TSPAN32: variants seen among roughly 807,000 people sequenced by gnomAD.
TSPAN32 encodes tetraspanin 32.
Under a neutral mutation model 42.7 loss-of-function variants are expected in TSPAN32, and 47 were observed. The observed-to-expected ratio is 1.10, with a 90% CI of 0.87 to 1.40. The LOEUF (loss-of-function observed/expected upper bound fraction) is 1.40. Among genes scored for constraint, TSPAN32 ranks in the 40% most tolerant of loss-of-function variants. TSPAN32 has a pLI of 0.00. For missense variants in TSPAN32, 469 were observed against 424.1 expected, an observed-to-expected ratio of 1.11 and a Z score of -0.93; for synonymous variants, 175 against 175.9, an observed-to-expected ratio of 0.99 and a Z score of 0.04.
Position 2,316,632 on chromosome 11 carries a change from C to G in TSPAN32, c.684C>G (p.Ser228Arg), listed in dbSNP as rs1848815920. 1.3e-6 allele frequency: 2 copies of G among 1,544,832 alleles called. No individual in the cohort carries two copies. Among genetic ancestry groups the G allele is most frequent in the Non-Finnish European group, 1.7e-6 (2 of 1,143,538 alleles). Reference sequence around the variant, plus strand: ...GGTTTGCCATCCGCTGTGGCTGCAGCTTGGACCGCAAGGGCAAATACACCC... The same window carrying G: ...GGTTTGCCATCCGCTGTGGCTGCAGGTTGGACCGCAAGGGCAAATACACCC... ...FLWFAIRCGC[S>R]LDRKGKYTLT... Residue 228 changes from serine to arginine, a missense_variant, in exon 8 of 10, where the codon AGC becomes AGG. Ser to Arg is a moderately radical substitution (Grantham distance 110, BLOSUM62 -1). Coordinates refer to ENST00000182290, the MANE Select transcript of TSPAN32 (RefSeq NM_139022.3).
intron 1 of TSPAN32, 118 bp downstream of exon 1, chr11:2,302,333 C>G: frequency 8.7e-7 from 1 of 1,144,220 alleles, no homozygotes; most frequent in East Asian, 2.9e-5. Context: ...CCTACTGTCC[C>G]TGTCCTGCCC....
rs552701160 is a variant in TSPAN32, at chr11:2,302,964, T to A, written c.181+6T>A. ...CCAGGCTGTGCACCAATGGGGTAAGTGAGGTCCAGGCCTGGCTGCATCGGG... is the reference window on the plus strand; with the variant it reads ...CCAGGCTGTGCACCAATGGGGTAAGAGAGGTCCAGGCCTGGCTGCATCGGG... On this transcript the variant is annotated splice_donor_region_variant and intron_variant, in intron 2 of 9. Coordinates refer to ENST00000182290, the MANE Select transcript of TSPAN32 (RefSeq NM_139022.3). 6.2e-7 allele frequency: 1 copy of A among 1,612,174 alleles called. No homozygotes were observed. Among genetic ancestry groups the A allele is most frequent in the East Asian group, 2.2e-5 (1 of 44,850 alleles).
Position 2,303,067 on chromosome 11 carries a change from A to T in TSPAN32, c.181+109A>T, listed in dbSNP as rs1847859952. ...GCCAGAATGGTGCCAGGCCCTAGGCAGGAGCCAGAGGTGGTCAGGGGCAGG... is the reference window on the plus strand; with the variant it reads ...GCCAGAATGGTGCCAGGCCCTAGGCTGGAGCCAGAGGTGGTCAGGGGCAGG... On this transcript the variant is annotated intron_variant, in intron 2 of 9. Coordinates refer to ENST00000182290, the MANE Select transcript of TSPAN32 (RefSeq NM_139022.3). The T allele has an allele frequency of 4.0e-6, 4 of 1,003,680 alleles. No homozygotes were observed. In the Admixed American group the frequency reaches 9.5e-5, roughly 24 times the overall value. The allele number at this position is 1,003,680 out of a possible 1,614,324, so 62.2% of individuals were successfully genotyped here. A position where few individuals can be genotyped will look rare whatever the true frequency, so the allele number is the denominator to read the frequency against.
In TSPAN32 at chr11:2,317,494, G is replaced by A. The variant is rs1430814582; in HGVS notation, c.870G>A (p.Leu290=). ...TGCAGGAGAGCGATGCTGCGCCTCTGCCCCTCTCCTGCCACCTGGCTGCCC... is the reference window on the plus strand; with the variant it reads ...TGCAGGAGAGCGATGCTGCGCCTCTACCCCTCTCCTGCCACCTGGCTGCCC... ...RWLQESDAAP[L]PLSCHLAAHR... Residue 290 remains leucine (L), a synonymous_variant, in exon 9 of 10, where the codon CTG becomes CTA. Coordinates refer to ENST00000182290, the MANE Select transcript of TSPAN32 (RefSeq NM_139022.3). This position sits in a 1 kb window ranked among gnomAD's most constrained non-coding sequence, Gnocchi z 6.2. 2 of 1,592,534 alleles carry A rather than the reference G, an allele frequency of 1.3e-6. No individual in the cohort carries two copies. The highest frequency in any genetic ancestry group is 2.3e-5 in the East Asian group (1 of 44,108).
At chr11:2,312,722 G>C (rs1441520053) in intron 4 of TSPAN32, among the ~76,000 whole-genome samples, 1 of 152,210 alleles carries the variant, frequency 6.6e-6, no homozygotes, top group Non-Finnish European at 1.5e-5. Context: ...TGAGTGGCTA[G>C]AGCGGGCCTG....
In TSPAN32 at chr11:2,317,723, G is replaced by T. The variant is rs941380234; in HGVS notation, c.902-140G>T. On this transcript the variant is annotated intron_variant, in intron 9 of 9. Coordinates refer to ENST00000182290, the MANE Select transcript of TSPAN32 (RefSeq NM_139022.3). This position sits in a 1 kb window ranked among gnomAD's most constrained non-coding sequence, Gnocchi z 6.2. ...AAAGGAAACCACACTGGAGGCAGCA[G>T]CCCAGGGCAGACTGCAAGACACTGG... 1 of 1,510,766 alleles carries T rather than the reference G, an allele frequency of 6.6e-7. No homozygotes were observed. The highest frequency in any genetic ancestry group is 8.8e-7 in the Non-Finnish European group (1 of 1,138,656). 93.6% of individuals were successfully genotyped at this position (1,510,766 alleles called of 1,614,324 possible).
rs1449861724 is a variant in TSPAN32 at position 2,304,705 on chromosome 11, C to G, written c.279+501C>G. Among the ~76,000 whole-genome samples, 1 of 151,942 alleles carries G rather than the reference C, an allele frequency of 6.6e-6. No individual in the cohort carries two copies. Among genetic ancestry groups the G allele is most frequent in the Non-Finnish European group, 1.5e-5 (1 of 67,970 alleles). On this transcript the variant is annotated intron_variant, in intron 3 of 9. Transcript: ENST00000182290. This position sits in a 1 kb window ranked among gnomAD's most constrained non-coding sequence, Gnocchi z 4.8. ...GCTGCACACTCTCCTTCCCAGCTGCCGGAGGTGTCTCCCCAGCCCCGAGGT... is the reference window on the plus strand; with the variant it reads ...GCTGCACACTCTCCTTCCCAGCTGCGGGAGGTGTCTCCCCAGCCCCGAGGT...
intron 2 of TSPAN32, 182 bp downstream of exon 2, chr11:2,303,140 T>C: frequency 1.7e-6 from 1 of 588,200 alleles, no homozygotes; most frequent in African/African-American, 1.9e-5. Flanking sequence ...GCCTCGGGTC[T>C]GGGTGACAGC....
intron 6 of TSPAN32, chr11:2,315,776 C>T: frequency 7.9e-7 from 1 of 1,272,232 alleles, no homozygotes. Context: ...GGGATGGAAC[C>T]AGGAAGCTGG....
rs1848856778 is a variant in TSPAN32, at chr11:2,317,348, T to C, written c.724T>C (p.Cys242Arg). ...CATGATCCCCTTGCTCCTCAGAGCA[T>C]GTGGCCGCCAGCCCCAGGAGCCCAG... Reference protein sequence around the residue: ...KGKYTLTPRACGRQPQEPSLL... With the variant: ...KGKYTLTPRARGRQPQEPSLL... The change falls in exon 9 of 10, where the codon TGT (cysteine) becomes CGT (arginine). Residue 242 changes from cysteine to arginine, a missense_variant. Cys to Arg is a radical substitution (Grantham distance 180). Transcript: ENST00000182290. This position sits in a 1 kb window ranked among gnomAD's most constrained non-coding sequence, Gnocchi z 6.2. 1.9e-6 allele frequency: 3 copies of C among 1,588,540 alleles called. No homozygotes were observed. Among genetic ancestry groups the C allele is most frequent in the Non-Finnish European group, 2.6e-6 (3 of 1,167,680 alleles).
In TSPAN32 at chr11:2,317,670, T is replaced by G; in HGVS notation, c.901+145T>G. The G allele has an allele frequency of 6.8e-7, 1 of 1,480,412 alleles. No individual in the cohort carries two copies. The highest frequency in any genetic ancestry group is 1.3e-5 in the South Asian group (1 of 74,946). The allele number at this position is 1,480,412 out of a possible 1,614,324, so 91.7% of individuals were successfully genotyped here. ...GGTAAGGGGTAGCTCACCAAATCCC[T>G]CCATGGGAACGGGCTGGGAGCAAGC... On this transcript the variant is annotated intron_variant, in intron 9 of 9. Coordinates refer to ENST00000182290, the MANE Select transcript of TSPAN32 (RefSeq NM_139022.3). The surrounding 1 kb of genome is among the most constrained non-coding windows in gnomAD (Gnocchi z 6.2).
At position 2,317,911 on chromosome 11, in the gene TSPAN32, GTC is replaced by G. The variant is rs779859900; in HGVS notation, c.955_956del (p.Ser319ArgfsTer60). ...GGGCTCAGTGGGTGCCCTGAGCGGG[GTC>G]TCTCAGACTGACGTCAGGCCTTGGT... is the stretch of plus-strand genomic sequence containing the variant. On this transcript the variant is annotated frameshift_variant, in exon 10 of 10. Coordinates refer to ENST00000182290, the MANE Select transcript of TSPAN32 (RefSeq NM_139022.3). LOFTEE classifies it high-confidence loss of function. This position sits in a 1 kb window ranked among gnomAD's most constrained non-coding sequence, Gnocchi z 6.2. 1,224 of 1,203,148 alleles carry G rather than the reference GTC, an allele frequency of 1.0e-3. 3 individuals carry two copies. The highest frequency in any genetic ancestry group is 1.4e-3 in the Non-Finnish European group (1,118 of 805,192). 74.5% of individuals were successfully genotyped at this position (1,203,148 alleles called of 1,614,324 possible). A position where few individuals can be genotyped will look rare whatever the true frequency, so the allele number is the denominator to read the frequency against.
At position 2,316,316 on chromosome 11, in the gene TSPAN32, C is replaced by A; in HGVS notation, c.627+4C>A. On this transcript the variant is annotated splice_donor_region_variant and intron_variant, in intron 7 of 9. Transcript: ENST00000182290. ...CAGCATCGGCCTGGCCCTCACGGTACCCTCTCGCCTCCCTCACTGCCCCTT... is the reference window on the plus strand; with the variant it reads ...CAGCATCGGCCTGGCCCTCACGGTAACCTCTCGCCTCCCTCACTGCCCCTT... 1.3e-6 allele frequency: 2 copies of A among 1,594,010 alleles called. No homozygotes were observed. Among genetic ancestry groups the A allele is most frequent in the Non-Finnish European group, 1.7e-6 (2 of 1,173,452 alleles).
Position 2,304,039 on chromosome 11 carries a change from C to T in TSPAN32, c.182-68C>T. The stretch of plus-strand genomic sequence containing the variant: ...CCTGACTCCCAAGTTAGATTTCACA[C>T]CCAGGCTGTGTGCACTCAGGACCTG... On this transcript the variant is annotated intron_variant, in intron 2 of 9. Coordinates refer to ENST00000182290, the MANE Select transcript of TSPAN32 (RefSeq NM_139022.3). The surrounding 1 kb of genome is among the most constrained non-coding windows in gnomAD (Gnocchi z 4.8). 1 of 1,266,034 alleles carries T rather than the reference C, an allele frequency of 7.9e-7. No homozygotes were observed. Among genetic ancestry groups the T allele is most frequent in the South Asian group, 1.3e-5 (1 of 78,152 alleles). 78.4% of individuals were successfully genotyped at this position (1,266,034 alleles called of 1,614,324 possible).
chr11:2,304,082 C>T lies in TSPAN32; in HGVS notation c.182-25C>T. 3 of 1,551,056 alleles carry T rather than the reference C, an allele frequency of 1.9e-6. No homozygotes were observed. Among genetic ancestry groups the T allele is most frequent in the Non-Finnish European group, 2.6e-6 (3 of 1,143,482 alleles). On this transcript the variant is annotated intron_variant, in intron 2 of 9. Transcript: ENST00000182290. This position sits in a 1 kb window ranked among gnomAD's most constrained non-coding sequence, Gnocchi z 4.8. ...AGGACCTGTCCTGGGCACCCCTAACCCTCCTCCTCTCTCCTCCCAACCAGC... is the reference window on the plus strand; with the variant it reads ...AGGACCTGTCCTGGGCACCCCTAACTCTCCTCCTCTCTCCTCCCAACCAGC...
At chr11:2,308,028 C>T (rs1442976068) in intron 3 of TSPAN32, among the ~76,000 whole-genome samples, 2 of 152,146 alleles carry the variant, frequency 1.3e-5, no homozygotes, top group African/African-American at 4.8e-5. Context: ...GGAGACTCTG[C>T]CCGGCCCTGT....
At chr11:2,302,346 G>T in intron 1 of TSPAN32, 131 bp downstream of exon 1, 3 of 1,039,006 alleles carry the variant, frequency 2.9e-6, no homozygotes, top group Non-Finnish European at 3.9e-6. Context: ...TCCTGCCCTT[G>T]CAGACATGTG....
At position 2,304,806 on chromosome 11, in the gene TSPAN32, T is replaced by C. The variant is rs1183228416; in HGVS notation, c.279+602T>C. Among the ~76,000 whole-genome samples the C allele has an allele frequency of 1.3e-5, 2 of 151,808 alleles. No homozygotes were observed. Among genetic ancestry groups the C allele is most frequent in the Non-Finnish European group, 2.9e-5 (2 of 67,936 alleles). Reference sequence around the variant, plus strand: ...ATTCCTACTCCTCCCCATGGGCTTCTGTCTTGGTCCCTGCCACTCGATGGT... The same window carrying C: ...ATTCCTACTCCTCCCCATGGGCTTCCGTCTTGGTCCCTGCCACTCGATGGT... On this transcript the variant is annotated intron_variant, in intron 3 of 9. Transcript: ENST00000182290. This position sits in a 1 kb window ranked among gnomAD's most constrained non-coding sequence, Gnocchi z 4.8.
intron 3 of TSPAN32, among the ~76,000 whole-genome samples, chr11:2,305,191 C>T (rs537604409): frequency 3.9e-5 from 6 of 152,354 alleles, no homozygotes; most frequent in Admixed American, 3.3e-4. Flanking sequence ...GAGCTGCTGC[C>T]GGGCCAACCA....
Sources: gnomAD v4.1 joint callset for allele counts (sites outside exome capture counted in the v4.1 genomes callset) on GRCh38, gnomAD v4.1.1 for gene constraint, Gnocchi (gnomAD v3.1) non-coding constraint, MANE v1.5 for transcripts, NCBI Gene and HGNC (gene_info 2026-07-23, HGNC 2026-07-21) for gene names.